Variants in USP32 observed in about 807,000 individuals in gnomAD.
The protein encoded by USP32 is ubiquitin carboxyl-terminal hydrolase 32.
In USP32, 59 loss-of-function variants were observed where a neutral mutation model predicts 204.8. The observed-to-expected ratio is 0.29, with a 90% CI of 0.23 to 0.36. USP32 has a LOEUF of 0.36. Ranked by LOEUF, USP32 falls within the 10% of genes least tolerant of loss-of-function variation. The pLI is 1.00. For missense variants in USP32, 1,160 were observed against 1,946.4 expected, an observed-to-expected ratio of 0.60 and a Z score of 7.60; for synonymous variants, 517 against 678.4, an observed-to-expected ratio of 0.76 and a Z score of 3.70.
intron 1 of USP32, among the ~76,000 whole-genome samples, chr17:60,382,341 A>T (rs985051333): frequency 9.2e-5 from 14 of 152,172 alleles, no homozygotes; most frequent in South Asian, 2.1e-4. Flanking sequence ...TGCAAAATTT[A>T]AAAAAATTAG....
chr17:60,409,573 C>T (rs8065198), intron 1 of USP32, among the ~76,000 whole-genome samples: 33,266 of 152,144 alleles, frequency 0.22, 9,021 homozygotes, highest in African/African-American at 0.64. Context: ...TGAAACCACC[C>T]TTGCAAAAAT....
chr17:60,183,987 T>C (rs2084181324), intron 30 of USP32, among the ~76,000 whole-genome samples: 1 of 152,176 alleles, frequency 6.6e-6, no homozygotes, highest in African/African-American at 2.4e-5. Context: ...TCAATTTTTT[T>C]TAAAAGGTCT....
At position 60,179,391 on chromosome 17, in the gene USP32, T is replaced by C; in HGVS notation, c.4679A>G (p.Tyr1560Cys). 1 of 1,612,896 alleles carries C rather than the reference T, an allele frequency of 6.2e-7. No homozygotes were observed. Among genetic ancestry groups the C allele is most frequent in the Non-Finnish European group, 8.5e-7 (1 of 1,179,858 alleles). Residue 1560 changes from tyrosine to cysteine, a missense_variant, in exon 34 of 34, where the codon TAC becomes TGC. Around this residue, in one of 8 missense-constraint regions of USP32, gnomAD observed 244 missense variants for 342.3 expected, o/e 0.71. Transcript: ENST00000300896. ...CCCCTGCTGCTCATAGAAAAGAATG[T>C]AGGCAGAGTCGGTGTCAATTTCATC... ...HPDEIDTDSA[Y>C]ILFYEQQGID... is the part of the protein sequence containing the mutation.
At chr17:60,211,608 T>G (rs2145510226) in intron 19 of USP32, 94 bp from the exon 20 acceptor site, 6 of 1,494,168 alleles carry the variant, frequency 4.0e-6, no homozygotes, top group Non-Finnish European at 5.3e-6. Context: ...TTTTTATAAC[T>G]CTCATAATCA....
rs2088765751 is a variant in USP32, at chr17:60,345,558, C to T, written c.109G>A (p.Gly37Arg). 5.6e-6 allele frequency: 9 copies of T among 1,614,158 alleles called. No homozygotes were observed. The highest frequency in any genetic ancestry group is 7.6e-6 in the Non-Finnish European group (9 of 1,180,034). ...TGCTGGCCCATGTAATATGAGAGTCCACAGGTCCTCTTGAAAGCATCCTTC... is the reference window on the plus strand; with the variant it reads ...TGCTGGCCCATGTAATATGAGAGTCTACAGGTCCTCTTGAAAGCATCCTTC... ...RLKDAFKRTCGLSYYMGQHCF... is the reference protein window; with the variant it reads ...RLKDAFKRTCRLSYYMGQHCF... The change falls in exon 2 of 34, where the codon GGA becomes AGA. Residue 37 changes from glycine (G) to arginine (R), a missense_variant. This residue lies in a region of USP32 where 536 missense variants were observed against 680.9 expected (regional missense o/e 0.79). Transcript: ENST00000300896.
intron 26 of USP32, among the ~76,000 whole-genome samples, chr17:60,205,142 C>T (rs2084791213): frequency 6.6e-6 from 1 of 152,180 alleles, no homozygotes; most frequent in Non-Finnish European, 1.5e-5. Flanking sequence ...ACTGACTATC[C>T]TGTTGCCTCT....
intron 5 of USP32, among the ~76,000 whole-genome samples, chr17:60,278,814 G>A (rs925401410): frequency 2.0e-5 from 3 of 152,178 alleles, no homozygotes; most frequent in Admixed American, 6.5e-5. Context: ...GACTATTCAC[G>A]TACTACAGTA....
intron 1 of USP32, among the ~76,000 whole-genome samples, chr17:60,409,954 G>C (rs2090005869): frequency 6.6e-6 from 1 of 152,126 alleles, no homozygotes; most frequent in Admixed American, 6.5e-5. Context: ...GGACAAGCTT[G>C]GTTTAAAACA....
chr17:60,302,914 A>G (rs190589411), intron 2 of USP32, among the ~76,000 whole-genome samples: 39 of 152,346 alleles, frequency 2.6e-4, no homozygotes, highest in Non-Finnish European at 4.7e-4. Context: ...CACTCATTCA[A>G]CAGTTCTTTG....
intron 10 of USP32, among the ~76,000 whole-genome samples, chr17:60,254,770 C>T (rs565765591): frequency 1.3e-5 from 2 of 152,126 alleles, no homozygotes; most frequent in Admixed American, 1.3e-4. Flanking sequence ...TATGATTCAT[C>T]TTTCTGGTCA....
intron 1 of USP32, among the ~76,000 whole-genome samples, chr17:60,377,235 G>C (rs1236028122): frequency 6.6e-6 from 1 of 152,188 alleles, no homozygotes; most frequent in Non-Finnish European, 1.5e-5. Flanking sequence ...CAAGGCAGGA[G>C]GATCTCTTGA....
intron 1 of USP32, among the ~76,000 whole-genome samples, chr17:60,357,918 G>A (rs181455353): frequency 0.022 from 3,336 of 152,112 alleles, 39 homozygotes; most frequent in Non-Finnish European, 0.032. Context: ...ACAGGCATGT[G>A]CCACCACACC....
Position 60,199,402 on chromosome 17 carries a change from AT to A in USP32, c.3250-959del, listed in dbSNP as rs373778149. ...AGTACGTTAAAGAGATATTTACGAT[AT>A]TCCTTAATATAGAGATACTGCACAG... is the stretch of plus-strand genomic sequence containing the variant. On this transcript the variant is annotated intron_variant, in intron 26 of 33. Coordinates refer to ENST00000300896, the MANE Select transcript of USP32 (RefSeq NM_032582.4). Among the ~76,000 whole-genome samples the A allele has an allele frequency of 1.8e-3, 270 of 152,318 alleles. 1 individual carries two copies. The highest frequency in any genetic ancestry group is 6.2e-3 in the African/African-American group (259 of 41,576).
At chr17:60,277,893 T>TA (rs60396534) in intron 5 of USP32, among the ~76,000 whole-genome samples, 29,033 of 148,506 alleles carry the variant, frequency 0.2, 7,006 homozygotes, top group African/African-American at 0.58. Context: ...ATATGACTAT[T>TA]AAAAAAATAA....
At chr17:60,260,709 T>C (rs539572401) in intron 9 of USP32, among the ~76,000 whole-genome samples, 5 of 144,976 alleles carry the variant, frequency 3.4e-5, no homozygotes, top group African/African-American at 8.5e-5. Context: ...AGATAGAAAA[T>C]TATATACAGA....
intron 2 of USP32, among the ~76,000 whole-genome samples, chr17:60,315,510 T>C (rs1199751416): frequency 6.6e-6 from 1 of 152,184 alleles, no homozygotes; most frequent in Non-Finnish European, 1.5e-5. Flanking sequence ...GGTACAGCTG[T>C]TCTGGAAAAC....
At chr17:60,252,477 C>T in intron 10 of USP32, 35 bp from the exon 11 acceptor site, 8 of 1,529,834 alleles carry the variant, frequency 5.2e-6, no homozygotes, top group Non-Finnish European at 7.2e-6. Flanking sequence ...AGTTTATTAA[C>T]TGCATAATAT....
At chr17:60,238,597 GT>G (rs2085796067) in intron 11 of USP32, among the ~76,000 whole-genome samples, 1 of 152,078 alleles carries the variant, frequency 6.6e-6, no homozygotes, top group East Asian at 1.9e-4. Context: ...GAGGTCAGGA[GT>G]TCGAGACCTG....
chr17:60,384,117 G>C (rs1567888817), intron 1 of USP32, among the ~76,000 whole-genome samples: 1 of 152,154 alleles, frequency 6.6e-6, no homozygotes, highest in Non-Finnish European at 1.5e-5. Context: ...AGAAAGGGAG[G>C]AACTGAGGAT....
Sources: allele counts gnomAD v4.1 joint callset (sites outside exome capture counted in the v4.1 genomes callset), GRCh38; gene constraint gnomAD v4.1.1; regional missense constraint gnomAD v4.1.1; transcripts MANE v1.5; gene names NCBI Gene and HGNC (gene_info 2026-07-23, HGNC 2026-07-21).